The following CD109 variants were observed in gnomAD, a reference collection of about 807,000 sequenced individuals.
CD109 encodes CD109 molecule, also known as CD109 antigen.
A neutral mutation model predicts 165.8 loss-of-function variants in CD109; 149 were observed. That is an observed-to-expected ratio of 0.90 (90% CI 0.79 to 1.03). CD109 has a LOEUF of 1.03. CD109 is among the 50% of genes least tolerant of loss of function. CD109 has a pLI of 0.00. For synonymous variants in CD109, 585 were observed against 592.1 expected (o/e 0.99, Z 0.18); for missense variants, 1,712 against 1,677.8 (o/e 1.02, Z -0.36).
chr6:73,783,021 A>C (rs1471569131), intron 18 of CD109, among the ~76,000 whole-genome samples: 1 of 150,900 alleles, frequency 6.6e-6, no homozygotes, highest in Non-Finnish European at 1.5e-5. Context: ...GACTTCCTTG[A>C]AGTCTCATGA....
At chr6:73,780,966 A>ATG (rs1774467821) in intron 16 of CD109, among the ~76,000 whole-genome samples, 1 of 149,080 alleles carries the variant, frequency 6.7e-6, no homozygotes, top group Non-Finnish European at 1.5e-5. Flanking sequence ...ATCAATGTGT[A>ATG]TGTGCGTGTG....
At position 73,745,651 on chromosome 6, in the gene CD109, A is replaced by T. The variant is rs867536850; in HGVS notation, c.633+9143A>T. Among the ~76,000 whole-genome samples, 6 of 152,206 alleles carry T rather than the reference A, an allele frequency of 3.9e-5. No individual in the cohort carries two copies. The South Asian group carries it at 8.3e-4, about 21-fold the overall frequency. On this transcript the variant is annotated intron_variant, in intron 5 of 32. Transcript: ENST00000287097. ...TTGGTTCATCTATTTAATATCCATT[A>T]ATATACTATTAAGGATTAGGCTGCT...
At chr6:73,783,602 G>A in intron 18 of CD109, 105 bp from the exon 19 acceptor site, 1 of 709,800 alleles carries the variant, frequency 1.4e-6, no homozygotes, top group Non-Finnish European at 2.4e-6. Flanking sequence ...GTAAACAATA[G>A]GAAAAATTGA....
At position 73,765,935 on chromosome 6, in the gene CD109, G is replaced by A. The variant is rs1268957776; in HGVS notation, c.1113G>A (p.Lys371=). The A allele has an allele frequency of 1.9e-6, 3 of 1,611,050 alleles. No homozygotes were observed. The highest frequency in any genetic ancestry group is 1.7e-5 in the Admixed American group (1 of 59,880). ...KPSLNFTATV[K]VTRADGNQLT... The stretch of plus-strand genomic sequence containing the variant: ...TGTTTTGTTTTGACCATTAGGTGAA[G>A]GTAACTCGTGCTGATGGCAACCAAC... Residue 371 remains lysine, a synonymous_variant, in exon 11 of 33, where the codon AAG becomes AAA. Coordinates refer to ENST00000287097, the MANE Select transcript of CD109 (RefSeq NM_133493.5).
At chr6:73,798,160 T>G (rs1269442369) in intron 23 of CD109, among the ~76,000 whole-genome samples, 1 of 151,040 alleles carries the variant, frequency 6.6e-6, no homozygotes, top group Admixed American at 6.6e-5. Flanking sequence ...TGTCATCCAG[T>G]CTGGAGTACA....
At chr6:73,707,962 T>TTATATATATATATA (rs200081535) in intron 2 of CD109, among the ~76,000 whole-genome samples, 3 of 126,794 alleles carry the variant, frequency 2.4e-5, no homozygotes, top group East Asian at 2.2e-4. Flanking sequence ...ATTGTTATCT[T>TTATATATATATATA]TATATATATA....
chr6:73,790,217 C>T (rs1214627364), intron 22 of CD109, among the ~76,000 whole-genome samples: 3 of 149,586 alleles, frequency 2.0e-5, no homozygotes, highest in Admixed American at 6.8e-5. Flanking sequence ...ACCTTGGCCT[C>T]CTATGAAGAT....
chr6:73,682,822 C>T, the CD109 span, among the ~76,000 whole-genome samples: 4 of 152,356 alleles, frequency 2.6e-5, no homozygotes, highest in Admixed American at 2.6e-4. Flanking sequence ...CTGAACACCA[C>T]ATGGAAGCTG....
chr6:73,685,970 G>C, the CD109 span, among the ~76,000 whole-genome samples: 1 of 152,220 alleles, frequency 6.6e-6, no homozygotes, highest in Non-Finnish European at 1.5e-5. Context: ...GAGTGAAGGT[G>C]ATGAGAGTAT....
intron 15 of CD109, among the ~76,000 whole-genome samples, chr6:73,772,567 T>G (rs1404006692): frequency 6.7e-6 from 1 of 150,254 alleles, no homozygotes; most frequent in Non-Finnish European, 1.5e-5. Context: ...TTGCAGTATA[T>G]TGAGGGGGTG....
chr6:73,812,753 A>G (rs1441474043), intron 29 of CD109, among the ~76,000 whole-genome samples: 1 of 152,126 alleles, frequency 6.6e-6, no homozygotes, highest in African/African-American at 2.4e-5. Flanking sequence ...ACATTTTTAT[A>G]GTGCAGCAGG....
At position 73,766,059 on chromosome 6, in the gene CD109, G is replaced by A; in HGVS notation, c.1237G>A (p.Glu413Lys). The stretch of plus-strand genomic sequence containing the variant: ...ATCTAACAGTGGAAATCAGAAAATG[G>A]AAGCTGTTCAGAAAATAAATTATAC... ...SGSNSGNQKM[E>K]AVQKINYTVP... Residue 413 changes from glutamate to lysine, a missense_variant, in exon 11 of 33, where the codon GAA (glutamate) becomes AAA (lysine). Transcript: ENST00000287097. 2 of 1,614,022 alleles carry A rather than the reference G, an allele frequency of 1.2e-6. No individual in the cohort carries two copies. The highest frequency in any genetic ancestry group is 1.7e-6 in the Non-Finnish European group (2 of 1,179,934).
chr6:73,791,130 TAC>T (rs1562070758), intron 22 of CD109, among the ~76,000 whole-genome samples: 5 of 45,224 alleles, frequency 1.1e-4, no homozygotes, highest in Middle Eastern at 9.4e-3. Context: ...TATATATACA[TAC>T]ATACATATAT....
At chr6:73,698,279 AG>A (rs1175683510) in intron 2 of CD109, among the ~76,000 whole-genome samples, 2 of 152,224 alleles carry the variant, frequency 1.3e-5, no homozygotes, top group African/African-American at 4.8e-5. Context: ...TGGGAGGAAG[AG>A]GTAAATACTT....
chr6:73,803,131 A>C, intron 23 of CD109, 89 bp from the exon 24 acceptor site: 1 of 864,320 alleles, frequency 1.2e-6, no homozygotes, highest in Non-Finnish European at 1.9e-6. Flanking sequence ...CTCTCTGCCC[A>C]TATTTCCTCA....
rs1466626794 is a variant in CD109, at chr6:73,766,075, T to G, written c.1253T>G (p.Ile418Arg). 1 of 1,613,912 alleles carries G rather than the reference T, an allele frequency of 6.2e-7. No homozygotes were observed. The highest frequency in any genetic ancestry group is 1.7e-5 in the Admixed American group (1 of 59,986). Residue 418 changes from isoleucine (I) to arginine (R), a missense_variant, in exon 11 of 33, where the codon ATA becomes AGA. Physicochemically the swap from Ile to Arg is moderately conservative, Grantham distance 97. Transcript: ENST00000287097. ...CAGAAAATGGAAGCTGTTCAGAAAATAAATTATACTGTCCCCCAAAGTGGA... is the reference window on the plus strand; with the variant it reads ...CAGAAAATGGAAGCTGTTCAGAAAAGAAATTATACTGTCCCCCAAAGTGGA... ...GNQKMEAVQKINYTVPQSGTF... is the reference protein window; with the variant it reads ...GNQKMEAVQKRNYTVPQSGTF...
intron 23 of CD109, 64 bp from the exon 24 acceptor site, chr6:73,803,156 T>A (rs1775432539): frequency 3.6e-6 from 4 of 1,106,818 alleles, no homozygotes; most frequent in Non-Finnish European, 5.5e-6. Context: ...GAAGTCATAA[T>A]TAGAAACTTT....
At chr6:73,807,927 C>A (rs1775627061) in intron 25 of CD109, among the ~76,000 whole-genome samples, 156 bp from the exon 26 acceptor site, 1 of 152,140 alleles carries the variant, frequency 6.6e-6, no homozygotes, top group Admixed American at 6.6e-5. Flanking sequence ...CTTTAAATGT[C>A]AATGATCATG....
intron 5 of CD109, among the ~76,000 whole-genome samples, chr6:73,745,699 C>G (rs1772958844): frequency 6.6e-6 from 1 of 152,066 alleles, no homozygotes; most frequent in African/African-American, 2.4e-5. Context: ...CCTCTATAAC[C>G]TTGGTCATAT....
Sources: gnomAD v4.1 joint callset for allele counts (sites outside exome capture counted in the v4.1 genomes callset) on GRCh38, gnomAD v4.1.1 for gene constraint, MANE v1.5 for transcripts, NCBI Gene and HGNC (gene_info 2026-07-23, HGNC 2026-07-21) for gene names.